SERPINI2: variants seen among roughly 807,000 people sequenced by gnomAD.
SERPINI2 encodes serpin I2.
In SERPINI2, 48 loss-of-function variants were observed where a neutral mutation model predicts 47.3. The observed-to-expected ratio is 1.02, with a 90% confidence interval of 0.81 to 1.29. The LOEUF (loss-of-function observed/expected upper bound fraction) is 1.29. SERPINI2 is among the 50% of genes most tolerant of loss of function. The pLI is 0.00. For synonymous variants in SERPINI2, 135 were observed against 149.3 expected, an observed-to-expected ratio of 0.90 and a Z score of 0.70; for missense variants, 448 against 456.9, an observed-to-expected ratio of 0.98 and a Z score of 0.18.
intron 5 of SERPINI2, among the ~76,000 whole-genome samples, chr3:167,456,148 C>CTG (rs1491396376): frequency 3.0e-5 from 3 of 99,798 alleles, no homozygotes; most frequent in Non-Finnish European, 6.2e-5. Context: ...AATCAATTAC[C>CTG]TCTGTGTGTG....
chr3:167,462,996 T>G (rs1750025985), intron 5 of SERPINI2, among the ~76,000 whole-genome samples: 1 of 152,228 alleles, frequency 6.6e-6, no homozygotes, highest in South Asian at 2.1e-4. Flanking sequence ...GGCTTATGCA[T>G]TATTATTTAG....
At chr3:167,447,239 A>T (rs1264215081) in intron 7 of SERPINI2, among the ~76,000 whole-genome samples, 1 of 152,188 alleles carries the variant, frequency 6.6e-6, no homozygotes, top group Non-Finnish European at 1.5e-5. Context: ...CATTAGAATT[A>T]TAAAACAGTC....
intron 8 of SERPINI2, among the ~76,000 whole-genome samples, chr3:167,443,309 G>A (rs547448527): frequency 6.6e-6 from 1 of 151,880 alleles, no homozygotes; most frequent in African/African-American, 2.4e-5. Flanking sequence ...GGGCTTCACC[G>A]TATTAGCTGG....
chr3:167,441,951 T>G, exon 9 of SERPINI2: 1 of 497,210 alleles, frequency 2.0e-6, no homozygotes, highest in Non-Finnish European at 3.4e-6. Context: ...AATGCATACC[T>G]AATTTTACTT....
intron 5 of SERPINI2, among the ~76,000 whole-genome samples, chr3:167,460,576 A>C (rs1308277446): frequency 6.6e-6 from 1 of 152,232 alleles, no homozygotes; most frequent in East Asian, 1.9e-4. Context: ...ATGCTGTATT[A>C]GTGTGATTAA....
At chr3:167,447,657 C>A (rs576961942) in intron 7 of SERPINI2, among the ~76,000 whole-genome samples, 12 of 152,168 alleles carry the variant, frequency 7.9e-5, no homozygotes, top group Non-Finnish European at 1.5e-4. Context: ...TCAGGTAAGC[C>A]ACTTTACATT....
intron 2 of SERPINI2, among the ~76,000 whole-genome samples, chr3:167,468,478 A>G (rs541608292): frequency 6.6e-6 from 1 of 152,224 alleles, no homozygotes; most frequent in African/African-American, 2.4e-5. Flanking sequence ...GCTACATTTC[A>G]GTCCCTACTT....
At chr3:167,458,782 T>C (rs540272530) in intron 5 of SERPINI2, among the ~76,000 whole-genome samples, 5 of 152,342 alleles carry the variant, frequency 3.3e-5, no homozygotes, top group African/African-American at 1.2e-4. Flanking sequence ...TCTCTGTCAA[T>C]ACTCATTGAA....
chr3:167,467,369 T>A, intron 2 of SERPINI2, 84 bp from the exon 3 acceptor site: 2 of 910,780 alleles, frequency 2.2e-6, no homozygotes, highest in Non-Finnish European at 3.3e-6. Context: ...AGTACTCTGA[T>A]TCATATCACC....
intron 5 of SERPINI2, among the ~76,000 whole-genome samples, chr3:167,456,270 TG>T (rs1336269415): frequency 1.3e-5 from 2 of 152,238 alleles, no homozygotes; most frequent in East Asian, 3.9e-4. Context: ...TAATGTTTAA[TG>T]TATGCCTAGT....
chr3:167,460,257 C>A (rs933625603), intron 5 of SERPINI2, among the ~76,000 whole-genome samples: 6 of 152,134 alleles, frequency 3.9e-5, no homozygotes. Flanking sequence ...GTAAAAGAAC[C>A]ACCGCATTCA....
chr3:167,463,653 C>T (rs1047017226), intron 5 of SERPINI2, among the ~76,000 whole-genome samples: 2 of 152,134 alleles, frequency 1.3e-5, no homozygotes, highest in Non-Finnish European at 2.9e-5. Flanking sequence ...GTAGAGGATA[C>T]TTCTTTCTCC....
exon 9 of SERPINI2, chr3:167,442,027 G>C: frequency 5.6e-6 from 6 of 1,069,016 alleles, no homozygotes; most frequent in Non-Finnish European, 8.1e-6. Flanking sequence ...AAGATATAGA[G>C]CAAATATTGT....
At chr3:167,450,876 T>C (rs1295841219) in intron 6 of SERPINI2, among the ~76,000 whole-genome samples, 2 of 152,164 alleles carry the variant, frequency 1.3e-5, no homozygotes, top group Non-Finnish European at 2.9e-5. Flanking sequence ...GTCTCCTTTG[T>C]TCCATCTCAC....
At chr3:167,446,503 T>C in intron 7 of SERPINI2, 22 bp from the exon 8 acceptor site, 1 of 1,406,500 alleles carries the variant, frequency 7.1e-7, no homozygotes, top group Non-Finnish European at 9.9e-7. Flanking sequence ...AGACAACAGT[T>C]ATTTAGATAC....
intron 5 of SERPINI2, among the ~76,000 whole-genome samples, chr3:167,464,009 C>CTTTTTTTTTTTTTTT (rs555948215): frequency 6.4e-5 from 6 of 93,274 alleles, no homozygotes; most frequent in Non-Finnish European, 1.0e-4. Flanking sequence ...ACAGGAGTGG[C>CTTTTTTTTTTTTTTT]TTTTTTTTTT....
At chr3:167,467,130 T>A (rs1468205930) in exon 3 of SERPINI2, 6 of 1,613,600 alleles carry the variant, frequency 3.7e-6, no homozygotes, top group Non-Finnish European at 5.1e-6. Flanking sequence ...ACCAGTTTTA[T>A]AGCACTCTGA....
chr3:167,467,590 A>AT (rs139555399), intron 2 of SERPINI2, among the ~76,000 whole-genome samples: 1 of 152,190 alleles, frequency 6.6e-6, no homozygotes, highest in Non-Finnish European at 1.5e-5. Context: ...CATTTAGCGC[A>AT]TTTTTAGTTA....
intron 5 of SERPINI2, among the ~76,000 whole-genome samples, chr3:167,460,884 A>G (rs1749962753): frequency 6.6e-6 from 1 of 152,228 alleles, no homozygotes; most frequent in Admixed American, 6.5e-5. Context: ...ACTATATACC[A>G]TGAAGCATGC....
Sources: allele counts gnomAD v4.1 joint callset (sites outside exome capture counted in the v4.1 genomes callset), GRCh38; gene constraint gnomAD v4.1.1; transcripts MANE v1.5; gene names NCBI Gene and HGNC (gene_info 2026-07-23, HGNC 2026-07-21).